The following KCNMA1 variants were observed in gnomAD, a reference collection of about 807,000 sequenced individuals.
KCNMA1 encodes Calcium-activated potassium channel subunit alpha-1.
KCNMA1 carries 29 observed loss-of-function variants against 140.0 expected under a neutral mutation model. The observed-to-expected ratio is 0.21, with a 90% confidence interval of 0.15 to 0.28. The LOEUF is 0.28. KCNMA1 is among the 10% of genes least tolerant of loss of function. The pLI, the probability that KCNMA1 is intolerant of heterozygous loss-of-function variation, is 1.00. For synonymous variants in KCNMA1, 612 were observed against 611.9 expected (o/e 1.00, Z 0.00); for missense variants, 880 against 1,602.2 (o/e 0.55, Z 7.70).
At chr10:77,127,951 G>C (rs2097777162) in intron 5 of KCNMA1, among the ~76,000 whole-genome samples, 1 of 152,028 alleles carries the variant, frequency 6.6e-6, no homozygotes, top group Admixed American at 6.5e-5. Flanking sequence ...TCCAGCCTGG[G>C]CTACAGAGTG....
intron 2 of KCNMA1, among the ~76,000 whole-genome samples, chr10:77,349,889 G>A (rs1351322285): frequency 6.6e-6 from 1 of 151,918 alleles, no homozygotes; most frequent in Admixed American, 6.6e-5. Context: ...CTATTTATAT[G>A]CCCATTTCTT....
In KCNMA1 at chr10:76,924,630, T is replaced by C. The variant is rs186357870; in HGVS notation, c.2903-9581A>G. Among the ~76,000 whole-genome samples the C allele has an allele frequency of 1.9e-3, 293 of 152,264 alleles. 1 individual carries two copies. The highest frequency in any genetic ancestry group is 3.4e-3 in the Middle Eastern group (1 of 294). On this transcript the variant is annotated intron_variant, in intron 23 of 27. Coordinates refer to ENST00000286628, the MANE Select transcript of KCNMA1 (RefSeq NM_001161352.2). ...TCATCTGTAAGGGTCTGACAGGTCT[T>C]TGAACATCCACTTGATTTGGCAGTT...
At position 77,636,999 on chromosome 10, in the gene KCNMA1, C is replaced by T. The variant is rs544847279; in HGVS notation, c.378+266G>A. The T allele has an allele frequency of 3.4e-4, 475 of 1,411,542 alleles. 1 individual carries two copies. In the African/African-American group the frequency reaches 6.4e-3, roughly 19 times the overall value. 87.4% of individuals were successfully genotyped at this position (1,411,542 alleles called of 1,614,324 possible). On this transcript the variant is annotated intron_variant, in intron 1 of 27. Coordinates refer to ENST00000286628, the MANE Select transcript of KCNMA1 (RefSeq NM_001161352.2). ...CGACCCCGGCCCCAGCCGCAGCCGC[C>T]AACAACCCTACAATAAACAAGAGGA...
At chr10:76,923,706 A>T (rs2056760936) in intron 23 of KCNMA1, among the ~76,000 whole-genome samples, 2 of 152,222 alleles carry the variant, frequency 1.3e-5, no homozygotes, top group Admixed American at 1.3e-4. Flanking sequence ...AGATAAGGCC[A>T]GATGCAGTGG....
At chr10:77,373,739 C>T (rs1408747041) in intron 2 of KCNMA1, 3 of 152,182 alleles carry the variant, frequency 2.0e-5, no homozygotes, top group East Asian at 1.9e-4. Context: ...TTTCCATTTT[C>T]ACTCTGGATC....
At chr10:77,539,240 G>C (rs11002200) in intron 1 of KCNMA1, among the ~76,000 whole-genome samples, 4 of 152,256 alleles carry the variant, frequency 2.6e-5, no homozygotes, top group African/African-American at 9.6e-5. Context: ...GAGCTAGCAT[G>C]ATAGGTACTA....
At chr10:77,197,816 T>C (rs2041064939) in intron 3 of KCNMA1, among the ~76,000 whole-genome samples, 1 of 152,142 alleles carries the variant, frequency 6.6e-6, no homozygotes, top group Non-Finnish European at 1.5e-5. Flanking sequence ...GAGTCTGCAG[T>C]GCGGCTCCTG....
At chr10:77,206,816 A>AGGGGGGGGGG (rs202180223) in intron 3 of KCNMA1, among the ~76,000 whole-genome samples, 63 of 48,444 alleles carry the variant, frequency 1.3e-3, no homozygotes, top group Non-Finnish European at 1.6e-3. Flanking sequence ...GCAGGGAGGG[A>AGGGGGGGGGG]GGGGGGGGCG....
In KCNMA1 at chr10:76,949,334, A is replaced by G; in HGVS notation, c.2517T>C (p.Ser839=). Residue 839 remains serine, a synonymous_variant, in exon 22 of 28, where the codon AGT becomes AGC. Transcript: ENST00000286628. ...CAAAGATGCAGACCACGACATGGCC[A>G]CTCAGGACGGTCATGGCAGCTTCAC... is the stretch of plus-strand genomic sequence containing the variant. ...TRSEAAMTVL[S]GHVVVCIFGD... is the part of the protein sequence containing the mutation. 6.2e-7 allele frequency: 1 copy of G among 1,614,080 alleles called. No individual in the cohort carries two copies. Among genetic ancestry groups the G allele is most frequent in the African/African-American group, 1.3e-5 (1 of 75,024 alleles).
chr10:77,455,406 G>T (rs115705651), intron 1 of KCNMA1, among the ~76,000 whole-genome samples: 1 of 152,166 alleles, frequency 6.6e-6, no homozygotes, highest in Non-Finnish European at 1.5e-5. Context: ...GAGTGGGACT[G>T]TACCCTGCCC....
intron 1 of KCNMA1, among the ~76,000 whole-genome samples, chr10:77,518,637 G>T (rs2051538701): frequency 1.3e-5 from 2 of 152,194 alleles, no homozygotes; most frequent in South Asian, 4.1e-4. Context: ...CCTGGGTGTG[G>T]TGCCAGCTCT....
chr10:77,559,133 G>T (rs765542178), intron 1 of KCNMA1, among the ~76,000 whole-genome samples: 1 of 152,208 alleles, frequency 6.6e-6, no homozygotes, highest in Non-Finnish European at 1.5e-5. Flanking sequence ...AAAAGGTGAG[G>T]TCTAATGGTG....
chr10:77,528,101 C>T (rs932372868), intron 1 of KCNMA1, among the ~76,000 whole-genome samples: 1 of 152,174 alleles, frequency 6.6e-6, no homozygotes, highest in African/African-American at 2.4e-5. Context: ...GAGTGCCCAC[C>T]ACCTGGGGTT....
At chr10:77,033,141 A>G (rs541362855) in intron 15 of KCNMA1, among the ~76,000 whole-genome samples, 1 of 152,266 alleles carries the variant, frequency 6.6e-6, no homozygotes, top group Admixed American at 6.5e-5. Context: ...GTAGATACGG[A>G]TACAAACACT....
chr10:77,550,175 G>A (rs2154556772), intron 1 of KCNMA1, among the ~76,000 whole-genome samples: 1 of 152,286 alleles, frequency 6.6e-6, no homozygotes, highest in South Asian at 2.1e-4. Context: ...AGAAGAGAAG[G>A]AAGAGACAGG....
downstream of KCNMA1, among the ~76,000 whole-genome samples, chr10:76,881,108 G>A (rs2034489614): frequency 6.6e-6 from 1 of 152,140 alleles, no homozygotes; most frequent in South Asian, 2.1e-4. Flanking sequence ...TGCTGGTAGA[G>A]CAATTGCCAC....
intron 6 of KCNMA1, among the ~76,000 whole-genome samples, chr10:77,119,887 G>A (rs930373432): frequency 2.6e-5 from 4 of 152,018 alleles, no homozygotes; most frequent in Admixed American, 2.0e-4. Context: ...AAACCAATTT[G>A]GAATTAAAGC....
At chr10:77,047,467 C>T (rs545654827) in intron 14 of KCNMA1, among the ~76,000 whole-genome samples, 34 of 152,126 alleles carry the variant, frequency 2.2e-4, no homozygotes, top group Non-Finnish European at 3.1e-4. Context: ...TCTGGAAAGA[C>T]AGAGTGCCAG....
chr10:76,934,334 A>G (rs1016522780), intron 23 of KCNMA1, among the ~76,000 whole-genome samples: 6 of 152,152 alleles, frequency 3.9e-5, no homozygotes, highest in Non-Finnish European at 7.3e-5. Context: ...TGCTTTTAAG[A>G]AAAGAAGTAA....
Sources: allele counts gnomAD v4.1 joint callset (sites outside exome capture counted in the v4.1 genomes callset), GRCh38; gene constraint gnomAD v4.1.1; transcripts MANE v1.5; gene names NCBI Gene and HGNC (gene_info 2026-07-23, HGNC 2026-07-21).